Variants in MECOM observed in about 807,000 individuals in gnomAD.
The protein encoded by MECOM is histone-lysine N-methyltransferase MECOM.
MECOM carries 13 observed loss-of-function variants against 116.3 expected under a neutral mutation model. The observed-to-expected ratio is 0.11, with a 90% CI of 0.07 to 0.18. The LOEUF is 0.18. MECOM is among the 10% of genes least tolerant of loss of function. The pLI is 1.00. For missense variants in MECOM, 1,299 were observed against 1,509.0 expected, an observed-to-expected ratio of 0.86 and a Z score of 2.31; for synonymous variants, 528 against 535.2, an observed-to-expected ratio of 0.99 and a Z score of 0.19.
At chr3:169,185,921 T>C (rs1746640143) in intron 2 of MECOM, among the ~76,000 whole-genome samples, 1 of 152,190 alleles carries the variant, frequency 6.6e-6, no homozygotes, top group South Asian at 2.1e-4. Context: ...TTCTTTTGTC[T>C]TTGGGCTGAT....
At chr3:169,240,206 C>T (rs954822020) in intron 2 of MECOM, among the ~76,000 whole-genome samples, 2 of 152,132 alleles carry the variant, frequency 1.3e-5, no homozygotes, top group African/African-American at 2.4e-5. Flanking sequence ...CTTTGACCCC[C>T]AGACAAATAC....
At chr3:169,192,894 G>C (rs1343139707) in intron 2 of MECOM, among the ~76,000 whole-genome samples, 1 of 151,916 alleles carries the variant, frequency 6.6e-6, no homozygotes, top group African/African-American at 2.4e-5. Flanking sequence ...TTTATCATTG[G>C]AGCTTGTTGG....
chr3:169,187,163 C>A (rs1472361289), intron 2 of MECOM, among the ~76,000 whole-genome samples: 2 of 152,126 alleles, frequency 1.3e-5, no homozygotes, highest in African/African-American at 2.4e-5. Context: ...CCTGGAAAAT[C>A]ATGGTAGAAG....
chr3:169,539,802 C>T (rs986774840), intron 1 of MECOM, among the ~76,000 whole-genome samples: 6 of 151,874 alleles, frequency 4.0e-5, no homozygotes, highest in African/African-American at 1.5e-4. Context: ...GATCCATGTA[C>T]TTAACAGGGC....
chr3:169,107,983 A>G, intron 9 of MECOM, 31 bp from the exon 10 acceptor site: 1 of 1,603,922 alleles, frequency 6.2e-7, no homozygotes, highest in Non-Finnish European at 8.5e-7. Context: ...AAAACAAAAA[A>G]TTACTTCTGT....
chr3:169,615,554 T>C (rs796189602), intron 1 of MECOM, among the ~76,000 whole-genome samples: 11 of 152,288 alleles, frequency 7.2e-5, no homozygotes, highest in African/African-American at 2.4e-4. Flanking sequence ...ATCCATAAGA[T>C]TACTCCTCAC....
intron 1 of MECOM, among the ~76,000 whole-genome samples, chr3:169,568,657 CT>C (rs1399942607): frequency 6.6e-6 from 1 of 152,216 alleles, no homozygotes. Context: ...TGTAGCCAGA[CT>C]GCCTCTCTAG....
At chr3:169,223,825 T>C (rs1433876978) in intron 2 of MECOM, among the ~76,000 whole-genome samples, 1 of 152,192 alleles carries the variant, frequency 6.6e-6, no homozygotes, top group Non-Finnish European at 1.5e-5. Flanking sequence ...TCTCCTCTGA[T>C]TTGGACCGTG....
chr3:169,268,191 C>T (rs1758537024), intron 2 of MECOM, among the ~76,000 whole-genome samples: 1 of 152,068 alleles, frequency 6.6e-6, no homozygotes, highest in Admixed American at 6.5e-5. Flanking sequence ...TCATACCAAC[C>T]TTGTGAAAAA....
chr3:169,281,806 T>A (rs1712090572), intron 2 of MECOM, among the ~76,000 whole-genome samples: 1 of 151,996 alleles, frequency 6.6e-6, no homozygotes, highest in Non-Finnish European at 1.5e-5. Flanking sequence ...TGAGATCCTG[T>A]CTCAAAAAAA....
At chr3:169,642,253 A>G (rs1386495095) in intron 1 of MECOM, among the ~76,000 whole-genome samples, 1 of 152,178 alleles carries the variant, frequency 6.6e-6, no homozygotes, top group East Asian at 1.9e-4. Flanking sequence ...GTGACTGGGG[A>G]AGGTAGGCAT....
chr3:169,616,076 A>G (rs1449537542), intron 1 of MECOM, among the ~76,000 whole-genome samples: 1 of 152,172 alleles, frequency 6.6e-6, no homozygotes, highest in Non-Finnish European at 1.5e-5. Flanking sequence ...GCTGTCAGTA[A>G]GAGCTCAGCT....
chr3:169,481,362 G>T (rs1341760743), intron 1 of MECOM, among the ~76,000 whole-genome samples: 1 of 152,052 alleles, frequency 6.6e-6, no homozygotes, highest in African/African-American at 2.4e-5. Context: ...AGACCAGCCT[G>T]GCCAACATGG....
chr3:169,244,414 C>T (rs1447355691), intron 2 of MECOM, among the ~76,000 whole-genome samples: 2 of 152,194 alleles, frequency 1.3e-5, no homozygotes, highest in African/African-American at 4.8e-5. Context: ...TGCCATGTGC[C>T]TCATTATCCT....
intron 1 of MECOM, among the ~76,000 whole-genome samples, chr3:169,621,261 A>T (rs1770683732): frequency 6.6e-6 from 1 of 152,222 alleles, no homozygotes; most frequent in Admixed American, 6.5e-5. Flanking sequence ...GCGTCTCACT[A>T]TCCTAATCTA....
chr3:169,583,966 G>A (rs934634871), intron 1 of MECOM, among the ~76,000 whole-genome samples: 4 of 152,066 alleles, frequency 2.6e-5, no homozygotes, highest in African/African-American at 9.7e-5. Context: ...CTCAAAAATT[G>A]ATCAATTGTG....
At chr3:169,542,304 A>G (rs1182841149) in intron 1 of MECOM, among the ~76,000 whole-genome samples, 2 of 151,388 alleles carry the variant, frequency 1.3e-5, no homozygotes, top group Non-Finnish European at 2.9e-5. Flanking sequence ...GTTTTCTTTT[A>G]ATGTTTTGTT....
chr3:169,161,507 T>A (rs758460675), intron 2 of MECOM, among the ~76,000 whole-genome samples: 22 of 152,122 alleles, frequency 1.4e-4, no homozygotes, highest in Non-Finnish European at 2.5e-4. Context: ...AAAATACTGG[T>A]CACAGATTAA....
At chr3:169,236,498 G>GA (rs1271119019) in intron 2 of MECOM, among the ~76,000 whole-genome samples, 5 of 152,074 alleles carry the variant, frequency 3.3e-5, no homozygotes, top group Non-Finnish European at 5.9e-5. Context: ...GTCTGTAAGA[G>GA]AAAAAATCTA....
Sources: allele counts gnomAD v4.1 joint callset (sites outside exome capture counted in the v4.1 genomes callset), GRCh38; gene constraint gnomAD v4.1.1; transcripts MANE v1.5; gene names NCBI Gene and HGNC (gene_info 2026-07-23, HGNC 2026-07-21).